SCP2: variants seen among roughly 807,000 people sequenced by gnomAD.
SCP2 encodes the protein SCP-2/3-oxoacyl-CoA thiolase.
SCP2 carries 48 observed loss-of-function variants against 71.4 expected under a neutral mutation model. The observed-to-expected ratio is 0.67, with a 90% confidence interval of 0.53 to 0.86. The LOEUF is 0.86. Ranked by LOEUF, SCP2 falls within the 40% of genes least tolerant of loss-of-function variation. SCP2 has a pLI of 0.00. For missense variants in SCP2, 560 were observed against 655.6 expected (o/e 0.85, Z 1.59); for synonymous variants, 220 against 218.1 (o/e 1.01, Z -0.08).
intron 13 of SCP2, among the ~76,000 whole-genome samples, chr1:53,037,564 A>C (rs1663047225): frequency 6.6e-6 from 1 of 152,112 alleles, no homozygotes; most frequent in Non-Finnish European, 1.5e-5. Context: ...CCTTGCAGAG[A>C]TATAGGTCTG....
intron 11 of SCP2, among the ~76,000 whole-genome samples, chr1:53,001,656 T>G (rs1302762111): frequency 6.6e-6 from 1 of 152,176 alleles, no homozygotes; most frequent in African/African-American, 2.4e-5. Flanking sequence ...ATTCCTAGCG[T>G]CCAGGGTCTT....
At chr1:53,019,812 A>ACAAATTCTAATTTG (rs1661591741) in intron 12 of SCP2, among the ~76,000 whole-genome samples, 1 of 152,250 alleles carries the variant, frequency 6.6e-6, no homozygotes, top group Non-Finnish European at 1.5e-5. Context: ...AGTTAGAATG[A>ACAAATTCTAATTTG]GGAATTTATA....
At chr1:52,938,899 G>A (rs1653968807) in intron 1 of SCP2, among the ~76,000 whole-genome samples, 1 of 152,124 alleles carries the variant, frequency 6.6e-6, no homozygotes, top group South Asian at 2.1e-4. Context: ...AGTGTTATAG[G>A]ATCATACAGA....
At position 52,980,471 on chromosome 1, in the gene SCP2, G is replaced by A. The variant is rs374102289; in HGVS notation, c.901G>A (p.Val301Ile). Residue 301 changes from valine to isoleucine, a missense_variant, in exon 10 of 16, where the codon GTA (valine) becomes ATA (isoleucine). Val to Ile is a conservative substitution (Grantham distance 29, BLOSUM62 3). Around this residue, in one of 3 missense-constraint regions of SCP2, gnomAD observed 513 missense variants for 573.1 expected, o/e 0.90. Transcript: ENST00000371514. ...TGGCCTGACACCAAATGATATTGAC[G>A]TAATAGAACTTCACGATTGCTTTTC... is the stretch of plus-strand genomic sequence containing the variant. ...KSGLTPNDID[V>I]IELHDCFSTN... 2.7e-5 allele frequency: 43 copies of A among 1,613,564 alleles called. No individual in the cohort carries two copies. The highest frequency in any genetic ancestry group is 1.6e-4 in the South Asian group (15 of 91,072).
intron 1 of SCP2, among the ~76,000 whole-genome samples, chr1:52,927,813 G>A (rs376924163): frequency 1.3e-5 from 2 of 152,124 alleles, no homozygotes; most frequent in African/African-American, 4.8e-5. Flanking sequence ...GCCCTCCCAG[G>A]AACAGCCCCC....
At chr1:53,024,296 G>A (rs1328885621) in intron 12 of SCP2, among the ~76,000 whole-genome samples, 1 of 152,114 alleles carries the variant, frequency 6.6e-6, no homozygotes, top group Non-Finnish European at 1.5e-5. Context: ...GTTGCCAGGG[G>A]TTGGAAGCAG....
intron 10 of SCP2, among the ~76,000 whole-genome samples, chr1:52,982,313 A>G (rs148789416): frequency 1.4e-3 from 216 of 152,276 alleles, no homozygotes; most frequent in African/African-American, 4.6e-3. Flanking sequence ...GCTCAGGCCT[A>G]TAATCCCAGC....
At chr1:52,993,097 T>C in intron 11 of SCP2, 1 of 1,340,430 alleles carries the variant, frequency 7.5e-7, no homozygotes, top group East Asian at 2.3e-5. Context: ...TGGTGATCAT[T>C]TGTCTAAGGC....
At chr1:53,012,124 A>G (rs1297039096) in intron 11 of SCP2, among the ~76,000 whole-genome samples, 1 of 152,222 alleles carries the variant, frequency 6.6e-6, no homozygotes, top group Non-Finnish European at 1.5e-5. Context: ...CTTTCTGTGT[A>G]AAAACTAGCC....
chr1:52,987,778 CATATTTAGAGCA>C, intron 10 of SCP2, among the ~76,000 whole-genome samples: 1 of 152,212 alleles, frequency 6.6e-6, no homozygotes. Context: ...GAATCTCTAC[CATATTTAGAGCA>C]ATTTTGGAAG....
In SCP2 at chr1:53,037,140, AAAT is replaced by A. The variant is rs1039649245; in HGVS notation, c.1339-1762_1339-1760del. 5.9e-5 allele frequency among the ~76,000 whole-genome samples: 9 copies of A among 152,212 alleles called. No homozygotes were observed. In the East Asian group the frequency reaches 9.6e-4, roughly 16 times the overall value. On this transcript the variant is annotated intron_variant, in intron 13 of 15. Transcript: ENST00000371514. ...TGAGAGAGCAAGACTCTGTCTCAAA[AAAT>A]AATAATAATAATAAATGATGAATGA...
At position 53,033,446 on chromosome 1, in the gene SCP2, T is replaced by C. The variant is rs577734763; in HGVS notation, c.1338+5375T>C. Among the ~76,000 whole-genome samples the C allele has an allele frequency of 2.6e-5, 4 of 151,486 alleles. No homozygotes were observed. The South Asian group carries it at 8.4e-4, about 32-fold the overall frequency. Reference sequence around the variant, plus strand: ...GGTGAAACCCCATCTCTACCAAAAATACAAAAAAATTAGCTGTGTGTGGTA... The same window carrying C: ...GGTGAAACCCCATCTCTACCAAAAACACAAAAAAATTAGCTGTGTGTGGTA... On this transcript the variant is annotated intron_variant, in intron 13 of 15. Coordinates refer to ENST00000371514, the MANE Select transcript of SCP2 (RefSeq NM_002979.5).
At chr1:52,978,153 C>G in intron 8 of SCP2, 64 bp from the exon 9 acceptor site, 2 of 1,513,078 alleles carry the variant, frequency 1.3e-6, no homozygotes. Flanking sequence ...AGAAGTAACT[C>G]CTAGTCTGAA....
intron 6 of SCP2, among the ~76,000 whole-genome samples, chr1:52,970,733 GCA>G (rs956873802): frequency 3.9e-5 from 6 of 151,950 alleles, no homozygotes; most frequent in Non-Finnish European, 8.8e-5. Context: ...CCTCTTCTCT[GCA>G]CAGTTTCCTC....
chr1:53,014,853 G>C (rs1661219021), intron 11 of SCP2, 37 bp from the exon 12 acceptor site: 1 of 1,610,194 alleles, frequency 6.2e-7, no homozygotes, highest in Non-Finnish European at 8.5e-7. Context: ...GAGAAAGCTG[G>C]TGGAAGCAGC....
rs537304097 is a variant in SCP2 at position 53,032,171 on chromosome 1, C to G, written c.1338+4100C>G. On this transcript the variant is annotated intron_variant, in intron 13 of 15. Transcript: ENST00000371514. Reference sequence around the variant, plus strand: ...GTGCCAGATACAGCTCTGCTGTCATCGGCTAAAGTTTAGAAATGTTGATGT... The same window carrying G: ...GTGCCAGATACAGCTCTGCTGTCATGGGCTAAAGTTTAGAAATGTTGATGT... 3.9e-5 allele frequency among the ~76,000 whole-genome samples: 6 copies of G among 152,300 alleles called. No individual in the cohort carries two copies. In the South Asian group the frequency reaches 1.2e-3, roughly 32 times the overall value.
intron 1 of SCP2, among the ~76,000 whole-genome samples, chr1:52,929,601 T>A (rs571184387): frequency 1.3e-5 from 2 of 152,022 alleles, no homozygotes; most frequent in African/African-American, 4.8e-5. Flanking sequence ...TGTGCCACCA[T>A]GCCCAGCTAC....
intron 12 of SCP2, among the ~76,000 whole-genome samples, chr1:53,024,505 T>A (rs1332130751): frequency 1.3e-5 from 2 of 152,146 alleles, no homozygotes; most frequent in South Asian, 4.1e-4. Context: ...TAAAATATTT[T>A]TTAAAAGTTA....
chr1:52,973,842 T>C (rs1485134144), intron 6 of SCP2, among the ~76,000 whole-genome samples: 1 of 152,196 alleles, frequency 6.6e-6, no homozygotes, highest in East Asian at 1.9e-4. Context: ...CCTCAAATGA[T>C]CCACCCACCT....
Sources: allele counts gnomAD v4.1 joint callset (sites outside exome capture counted in the v4.1 genomes callset), GRCh38; gene constraint gnomAD v4.1.1; regional missense constraint gnomAD v4.1.1; transcripts MANE v1.5; gene names NCBI Gene and HGNC (gene_info 2026-07-23, HGNC 2026-07-21).